Variants in CHURC1 observed in about 807,000 individuals in gnomAD.
CHURC1 encodes churchill domain containing 1.
CHURC1 carries 12 observed loss-of-function variants against 15.4 expected under a neutral mutation model. The observed-to-expected ratio is 0.78, with a 90% CI of 0.50 to 1.27. CHURC1 has a LOEUF of 1.27. Among genes scored for constraint, CHURC1 ranks in the 50% most tolerant of loss-of-function variants. CHURC1 has a pLI of 0.00. For missense variants in CHURC1, 132 were observed against 137.8 expected (o/e 0.96, Z 0.21); for synonymous variants, 42 against 47.5 (o/e 0.88, Z 0.48).
chr14:64,921,987 T>C (rs1376936414), intron 1 of CHURC1, among the ~76,000 whole-genome samples: 1 of 152,202 alleles, frequency 6.6e-6, no homozygotes, highest in African/African-American at 2.4e-5. Flanking sequence ...AACATAGGCA[T>C]TATATCGAGC....
At chr14:64,918,597 G>A (rs1884058460) in intron 1 of CHURC1, among the ~76,000 whole-genome samples, 1 of 152,216 alleles carries the variant, frequency 6.6e-6, no homozygotes, top group African/African-American at 2.4e-5. Context: ...GGAAGCCGAG[G>A]CACAAGGATG....
chr14:64,925,879 G>T (rs1024737417), intron 2 of CHURC1, 131 bp from the exon 3 acceptor site: 45 of 549,520 alleles, frequency 8.2e-5, no homozygotes, highest in African/African-American at 7.6e-4. Flanking sequence ...TACTATAATG[G>T]GTTTCCTCCT....
At position 64,924,505 on chromosome 14, in the gene CHURC1, A is replaced by G. The variant is rs551706145; in HGVS notation, c.175+379A>G. On this transcript the variant is annotated intron_variant, in intron 2 of 3. Coordinates refer to ENST00000549115, the MANE Select transcript of CHURC1 (RefSeq NM_001386928.1). Reference sequence around the variant, plus strand: ...TTTTCTGCTACAGTATAATACCATGATATCCTCCAACAGCTATTAAAGTGT... The same window carrying G: ...TTTTCTGCTACAGTATAATACCATGGTATCCTCCAACAGCTATTAAAGTGT... 20 of 153,598 alleles carry G rather than the reference A, an allele frequency of 1.3e-4. No homozygotes were observed. The South Asian group carries it at 2.9e-3, about 22-fold the overall frequency. The allele number at this position is 153,598 out of a possible 1,614,324, so 9.5% of individuals were successfully genotyped here. A position where few individuals can be genotyped will look rare whatever the true frequency, so the allele number is the denominator to read the frequency against.
rs549477027 is a variant in CHURC1 at position 64,915,069 on chromosome 14, A to C, written c.39+535A>C. On this transcript the variant is annotated intron_variant, in intron 1 of 3. Transcript: ENST00000549115. ...CTGAATCTCAGTTACTTTCAGGTTC[A>C]GGAGTTTGCAAAGCTTGTCTATTCT... is the stretch of plus-strand genomic sequence containing the variant. Among the ~76,000 whole-genome samples the C allele has an allele frequency of 1.6e-4, 24 of 152,356 alleles. 1 individual carries two copies. In the South Asian group the frequency reaches 5.0e-3, roughly 32 times the overall value.
rs1369278749 is a variant in CHURC1, at chr14:64,924,025, T to C, written c.74T>C (p.Leu25Pro). The change falls in exon 2 of 4, where the codon CTG (leucine) becomes CCG (proline). Residue 25 changes from leucine to proline, a missense_variant. Coordinates refer to ENST00000549115, the MANE Select transcript of CHURC1 (RefSeq NM_001386928.1). ...NTCLENGSFL[L>P]NFTGCAVCSK... The stretch of plus-strand genomic sequence containing the variant: ...TGCCTGGAGAATGGATCTTTCTTAC[T>C]GAACTTTACAGGCTGTGCAGTGTGC... 1.9e-6 allele frequency: 3 copies of C among 1,575,498 alleles called. No individual in the cohort carries two copies. The highest frequency in any genetic ancestry group is 1.8e-5 in the Admixed American group (1 of 56,272).
At chr14:64,930,712 AT>A (rs1885034724) in intron 3 of CHURC1, 7 of 398,476 alleles carry the variant, frequency 1.8e-5, no homozygotes, top group South Asian at 1.3e-4. Context: ...CAATGGCTAG[AT>A]TGGTTGAAAA....
Position 64,932,256 on chromosome 14 carries a change from CTA to C in CHURC1, c.*30_*31del. The C allele has an allele frequency of 6.2e-7, 1 of 1,611,868 alleles. No homozygotes were observed. The highest frequency in any genetic ancestry group is 2.2e-5 in the East Asian group (1 of 44,840). Reference sequence around the variant, plus strand: ...GGATCCTTCTACAGATCTGTTATAACTATATTGTGTTGGTTTACAATACAGCA... The same window carrying C: ...GGATCCTTCTACAGATCTGTTATAACTATTGTGTTGGTTTACAATACAGCA... On this transcript the variant is annotated 3_prime_UTR_variant, in exon 4 of 4. Transcript: ENST00000549115.
chr14:64,923,359 A>G (rs1485299580), intron 1 of CHURC1, among the ~76,000 whole-genome samples: 1 of 151,064 alleles, frequency 6.6e-6, no homozygotes. Context: ...AAATTTGTAT[A>G]GTTTCTTAGT....
chr14:64,927,709 T>TCCC (rs780528509), intron 3 of CHURC1, among the ~76,000 whole-genome samples: 10 of 44,744 alleles, frequency 2.2e-4, no homozygotes, highest in African/African-American at 5.9e-4. Context: ...AGTCTACTTC[T>TCCC]CCCCCCACCC....
At chr14:64,932,048 C>T in intron 3 of CHURC1, 90 bp from the exon 4 acceptor site, 2 of 1,486,168 alleles carry the variant, frequency 1.3e-6, no homozygotes, top group South Asian at 2.7e-5. Context: ...ATATTCATGA[C>T]AATTTGTAGA....
rs889025811 is a variant in CHURC1 at position 64,933,048 on chromosome 14, A to C, written c.*818A>C. ...ATAGCATCACATCATACAGAATGTG[A>C]TAAGAATGGCACTTTACCTCTGTGG... On this transcript the variant is annotated 3_prime_UTR_variant, in exon 4 of 4. Transcript: ENST00000549115. 6.6e-6 allele frequency: 1 copy of C among 152,632 alleles called. No homozygotes were observed. The highest frequency in any genetic ancestry group is 1.9e-4 in the East Asian group (1 of 5,194). The allele number at this position is 152,632 out of a possible 1,614,324, so 9.5% of individuals were successfully genotyped here.
intron 3 of CHURC1, among the ~76,000 whole-genome samples, chr14:64,931,790 T>C (rs1273729606): frequency 6.6e-6 from 1 of 152,212 alleles, no homozygotes; most frequent in Non-Finnish European, 1.5e-5. Flanking sequence ...TGTTGTGTAT[T>C]AGTGTTAAAT....
intron 1 of CHURC1, 111 bp from the exon 2 acceptor site, chr14:64,923,880 G>T: frequency 4.7e-6 from 5 of 1,072,290 alleles, no homozygotes; most frequent in Non-Finnish European, 4.8e-6. Flanking sequence ...AGAAGTAAAT[G>T]CTGGCCATTT....
chr14:64,930,123 A>C (rs1884998216), intron 3 of CHURC1, among the ~76,000 whole-genome samples: 1 of 152,086 alleles, frequency 6.6e-6, no homozygotes, highest in Admixed American at 6.6e-5. Flanking sequence ...AGAATAAAAA[A>C]AAAAAAAAGA....
intron 3 of CHURC1, among the ~76,000 whole-genome samples, chr14:64,930,232 A>G (rs972268941): frequency 1.3e-5 from 2 of 152,050 alleles, no homozygotes; most frequent in South Asian, 2.1e-4. Flanking sequence ...GTCCCTGTGA[A>G]TGACTGGGGG....
intron 1 of CHURC1, among the ~76,000 whole-genome samples, chr14:64,923,011 G>T (rs942603167): frequency 8.5e-5 from 13 of 152,174 alleles, no homozygotes; most frequent in African/African-American, 3.1e-4. Flanking sequence ...ATGCACTGGA[G>T]AAACGTTGAT....
At chr14:64,927,094 C>G (rs1240931095) in intron 3 of CHURC1, among the ~76,000 whole-genome samples, 1 of 152,132 alleles carries the variant, frequency 6.6e-6, no homozygotes, top group Non-Finnish European at 1.5e-5. Context: ...TTGGATAGTA[C>G]TTAATTAGGA....
rs1419519113 is a variant in CHURC1, at chr14:64,934,573, G to C, written c.*2343G>C. ...ATTCAGAAAAGTTAAGTCAGCTGTT[G>C]CAGGGATCAGTTGTTTTATTCCTGG... On this transcript the variant is annotated 3_prime_UTR_variant, in exon 4 of 4. Transcript: ENST00000549115. 1 of 985,308 alleles carries C rather than the reference G, an allele frequency of 1.0e-6. No individual in the cohort carries two copies. The highest frequency in any genetic ancestry group is 1.2e-6 in the Non-Finnish European group (1 of 829,938). The allele number at this position is 985,308 out of a possible 1,614,324, so 61.0% of individuals were successfully genotyped here.
chr14:64,933,800 A>G lies in CHURC1; in HGVS notation c.*1570A>G. ...GAGCAAAGTGTTCATTGTAGATACT[A>G]GGGAAAAGCTTTGTTGAATAACAGT... On this transcript the variant is annotated 3_prime_UTR_variant, in exon 4 of 4. Transcript: ENST00000549115. 1.0e-6 allele frequency: 1 copy of G among 985,434 alleles called. No homozygotes were observed. Among genetic ancestry groups the G allele is most frequent in the Non-Finnish European group, 1.2e-6 (1 of 829,912 alleles). The allele number at this position is 985,434 out of a possible 1,614,324, so 61.0% of individuals were successfully genotyped here.
Sources: allele counts gnomAD v4.1 joint callset (sites outside exome capture counted in the v4.1 genomes callset), GRCh38; gene constraint gnomAD v4.1.1; transcripts MANE v1.5; gene names NCBI Gene and HGNC (gene_info 2026-07-23, HGNC 2026-07-21).